The following RYR3 variants were observed in gnomAD, a reference collection of about 807,000 sequenced individuals.
The protein encoded by RYR3 is brain ryanodine receptor-calcium release channel.
A neutral mutation model predicts 584.3 loss-of-function variants in RYR3; 207 were observed. That is an observed-to-expected ratio of 0.35 (90% confidence interval 0.32 to 0.40). RYR3 has a LOEUF of 0.40. Among genes scored for constraint, RYR3 ranks in the 10% least tolerant of loss-of-function variants. The pLI is 1.00. For missense variants in RYR3, 5,616 were observed against 6,089.2 expected (o/e 0.92, Z 2.59); for synonymous variants, 2,416 against 2,248.5 (o/e 1.07, Z -2.11).
At chr15:33,759,408 A>G (rs1449314678) in intron 60 of RYR3, among the ~76,000 whole-genome samples, 1 of 152,216 alleles carries the variant, frequency 6.6e-6, no homozygotes, top group Non-Finnish European at 1.5e-5. Flanking sequence ...ATAAAAACTT[A>G]GAGGAATTGC....
intron 1 of RYR3, among the ~76,000 whole-genome samples, chr15:33,430,270 C>T (rs2141717684): frequency 6.6e-6 from 1 of 152,314 alleles, no homozygotes; most frequent in African/African-American, 2.4e-5. Flanking sequence ...TCCGAACTCC[C>T]TGATGCGTTA....
intron 85 of RYR3, 28 bp from the exon 86 acceptor site, chr15:33,830,935 A>G: frequency 6.2e-7 from 1 of 1,609,208 alleles, no homozygotes. Flanking sequence ...AGTCTGAGAA[A>G]TACTAAGCTC....
chr15:33,854,469 A>C lies in RYR3; in HGVS notation c.13860+20A>C. ...GACAACGTAAGTACTGCACCTGGAAAAACAAAATTCTATACCCCAGTTCAG... is the reference window on the plus strand; with the variant it reads ...GACAACGTAAGTACTGCACCTGGAACAACAAAATTCTATACCCCAGTTCAG... On this transcript the variant is annotated intron_variant, in intron 97 of 103. Transcript: ENST00000634891. 1.3e-6 allele frequency: 2 copies of C among 1,548,768 alleles called. No individual in the cohort carries two copies. Among genetic ancestry groups the C allele is most frequent in the Non-Finnish European group, 1.7e-6 (2 of 1,147,344 alleles).
chr15:33,721,292 G>T (rs1457391888), intron 43 of RYR3, among the ~76,000 whole-genome samples: 1 of 152,198 alleles, frequency 6.6e-6, no homozygotes, highest in African/African-American at 2.4e-5. Context: ...CGTGGAAACT[G>T]ATGCTCCGGT....
chr15:33,399,155 C>A (rs922278895), intron 1 of RYR3, among the ~76,000 whole-genome samples: 1 of 151,940 alleles, frequency 6.6e-6, no homozygotes, highest in Non-Finnish European at 1.5e-5. Flanking sequence ...ACAAGTGACC[C>A]TTTTTTTTAA....
intron 12 of RYR3, among the ~76,000 whole-genome samples, chr15:33,577,101 C>T (rs1039700896): frequency 5.9e-5 from 9 of 152,058 alleles, no homozygotes; most frequent in Non-Finnish European, 1.2e-4. Flanking sequence ...AAAAAACACT[C>T]GTCAAAGAAA....
chr15:33,561,682 C>T (rs945902083), intron 10 of RYR3, among the ~76,000 whole-genome samples: 2 of 151,844 alleles, frequency 1.3e-5, no homozygotes, highest in Non-Finnish European at 2.9e-5. Context: ...TCAAGATCAG[C>T]CTGGGCAACA....
At chr15:33,374,364 ATGTG>A (rs138831585) in intron 1 of RYR3, among the ~76,000 whole-genome samples, 40,843 of 144,760 alleles carry the variant, frequency 0.28, 5,696 homozygotes, top group Middle Eastern at 0.34. Context: ...GTACGAGTGT[ATGTG>A]TGTGTGTGTG....
chr15:33,686,628 G>C (rs2065029170), intron 38 of RYR3, among the ~76,000 whole-genome samples: 1 of 152,124 alleles, frequency 6.6e-6, no homozygotes, highest in Non-Finnish European at 1.5e-5. Context: ...AACAAAAAAA[G>C]AGAACTTTAG....
Position 33,838,759 on chromosome 15 carries a change from T to C in RYR3, c.12779T>C (p.Ile4260Thr). ...AGGGCAGAGGTGATGGAGCCAGGTA[T>C]CACCACTGAACTAGTACACTTCATA... ...AERAEVMEPG[I>T]TTELVHFIKG... The change falls in exon 89 of 104, where the codon ATC (isoleucine) becomes ACC (threonine). Residue 4260 changes from isoleucine (I) to threonine (T), a missense_variant. Around this residue, in one of 9 missense-constraint regions of RYR3, gnomAD observed 918 missense variants for 887.4 expected, o/e 1.03. Transcript: ENST00000634891. The C allele has an allele frequency of 6.2e-7, 1 of 1,613,828 alleles. No individual in the cohort carries two copies.
chr15:33,404,109 CAGTT>C (rs1224012330), intron 1 of RYR3, among the ~76,000 whole-genome samples: 3 of 152,186 alleles, frequency 2.0e-5, no homozygotes, highest in South Asian at 2.1e-4. Context: ...CGTAAAATAA[CAGTT>C]AGCTTACATC....
At chr15:33,379,643 ATGTGTG>A (rs147989530) in intron 1 of RYR3, among the ~76,000 whole-genome samples, 1 of 133,204 alleles carries the variant, frequency 7.5e-6, no homozygotes, top group Non-Finnish European at 1.6e-5. Flanking sequence ...ATTTATGTGT[ATGTGTG>A]TGTGTGTGTG....
intron 5 of RYR3, among the ~76,000 whole-genome samples, chr15:33,536,836 T>A (rs1188791302): frequency 6.6e-6 from 1 of 152,208 alleles, no homozygotes; most frequent in South Asian, 2.1e-4. Flanking sequence ...GCATCTACTT[T>A]CAGCTCTTTT....
intron 43 of RYR3, among the ~76,000 whole-genome samples, chr15:33,711,220 C>T (rs987993070): frequency 1.3e-5 from 2 of 149,794 alleles, no homozygotes; most frequent in East Asian, 2.0e-4. Context: ...AGCAGCCATG[C>T]CACTTCTTTC....
intron 1 of RYR3, among the ~76,000 whole-genome samples, chr15:33,328,786 A>G (rs1246663057): frequency 6.6e-6 from 1 of 152,132 alleles, no homozygotes; most frequent in African/African-American, 2.4e-5. Context: ...CTAAACTTGT[A>G]AAAGTACTTT....
At chr15:33,769,405 C>T (rs1250896128) in intron 62 of RYR3, among the ~76,000 whole-genome samples, 1 of 152,196 alleles carries the variant, frequency 6.6e-6, no homozygotes, top group East Asian at 1.9e-4. Flanking sequence ...ATCTTTCCTT[C>T]CTAAGAAGTT....
chr15:33,391,250 A>G (rs1407069918), intron 1 of RYR3, among the ~76,000 whole-genome samples: 2 of 152,210 alleles, frequency 1.3e-5, no homozygotes, highest in Non-Finnish European at 1.5e-5. Context: ...GTGTGCCTCC[A>G]CTGAGGCTTC....
chr15:33,350,246 C>T (rs1446875173), intron 1 of RYR3, among the ~76,000 whole-genome samples: 1 of 151,986 alleles, frequency 6.6e-6, no homozygotes, highest in Non-Finnish European at 1.5e-5. Context: ...ACAGGAGCAC[C>T]CAGATTCATA....
chr15:33,582,646 G>A (rs1204091269), intron 14 of RYR3, among the ~76,000 whole-genome samples: 1 of 152,160 alleles, frequency 6.6e-6, no homozygotes, highest in African/African-American at 2.4e-5. Flanking sequence ...TGAAACTGAC[G>A]TACATAGATG....
Sources: allele counts gnomAD v4.1 joint callset (sites outside exome capture counted in the v4.1 genomes callset), GRCh38; gene constraint gnomAD v4.1.1; regional missense constraint gnomAD v4.1.1; transcripts MANE v1.5; gene names NCBI Gene and HGNC (gene_info 2026-07-23, HGNC 2026-07-21).